Variants in TTN observed in about 807,000 individuals in gnomAD.
TTN encodes connectin.
TTN carries 1,525 observed loss-of-function variants against 3,223.0 expected under a neutral mutation model. The observed-to-expected ratio is 0.47, with a 90% CI of 0.45 to 0.49. The LOEUF is 0.49. Ranked by LOEUF, TTN falls within the 20% of genes least tolerant of loss-of-function variation. The pLI, the probability that TTN is intolerant of heterozygous loss-of-function variation, is 0.00. For synonymous variants in TTN, 14,094 were observed against 15,161.0 expected, an observed-to-expected ratio of 0.93 and a Z score of 5.17; for missense variants, 40,786 against 43,424.0, an observed-to-expected ratio of 0.94 and a Z score of 5.40.
rs775739693 is a variant in TTN at position 178,753,079 on chromosome 2, T to C, written c.11311+45A>G. The C allele has an allele frequency of 6.5e-7, 1 of 1,532,402 alleles. No individual in the cohort carries two copies. The highest frequency in any genetic ancestry group is 1.7e-5 in the Admixed American group (1 of 58,730). The allele number at this position is 1,532,402 out of a possible 1,614,324, so 94.9% of individuals were successfully genotyped here. ...GAAGGCAACTCAAGGATCCTATTAA[T>C]CCTTTAGAATTTCTACTTAAATCTC... On this transcript the variant is annotated intron_variant, in intron 47 of 362. Coordinates refer to ENST00000589042, the MANE Select transcript of TTN (RefSeq NM_001267550.2).
At chr2:178,749,755 T>C (rs769707777) in intron 47 of TTN, 2 of 1,612,948 alleles carry the variant, frequency 1.2e-6, no homozygotes, top group South Asian at 1.1e-5. Flanking sequence ...TAATATATAA[T>C]TGGTGGCTAC....
chr2:178,647,061 T>TATATATATA lies in TTN; in HGVS notation c.40222+2_40222+3insTATATATAT. 9.1e-7 allele frequency: 1 copy of TATATATATA among 1,101,820 alleles called. No individual in the cohort carries two copies. Among genetic ancestry groups the TATATATATA allele is most frequent in the Non-Finnish European group, 1.2e-6 (1 of 827,876 alleles). 68.3% of individuals were successfully genotyped at this position (1,101,820 alleles called of 1,614,324 possible). A position where few individuals can be genotyped will look rare whatever the true frequency, so the allele number is the denominator to read the frequency against. ...AAATGTATATATATATATATATATA[T>TATATATATA]ACCTTCAACAGGGGGAGTCTCTTTT... On this transcript the variant is annotated splice_region_variant and intron_variant, in intron 215 of 362. Transcript: ENST00000589042.
Position 178,611,649 on chromosome 2 carries a change from A to G in TTN, c.50580T>C (p.His16860=). Residue 16860 remains histidine (H), a synonymous_variant, in exon 269 of 363, where the codon CAT becomes CAC. Transcript: ENST00000589042. The part of the protein sequence containing the change: ...TSPPSPPLDL[H]VTDAGRKHIA... ...TGTGTTTTCTCCCAGCATCAGTCAC[A>G]TGTAGGTCAAGGGGTGGTGAGGGAG... 3.1e-6 allele frequency: 5 copies of G among 1,612,998 alleles called. No homozygotes were observed. Among genetic ancestry groups the G allele is most frequent in the Non-Finnish European group, 3.4e-6 (4 of 1,179,338 alleles).
rs1234924846 is a variant in TTN, at chr2:178,528,493, T to A, written c.107223+35A>T. 3.1e-6 allele frequency: 5 copies of A among 1,594,682 alleles called. No homozygotes were observed. In the South Asian group the frequency reaches 4.5e-5, roughly 14 times the overall value. On this transcript the variant is annotated intron_variant, in intron 360 of 362. Coordinates refer to ENST00000589042, the MANE Select transcript of TTN (RefSeq NM_001267550.2). ...AGATGTGGAAGACATGGTATTTTAG[T>A]TTTTCTTCAATAATATATTCATAAT...
In TTN at chr2:178,591,088, C is replaced by T. The variant is rs1186567480; in HGVS notation, c.60637G>A (p.Asp20213Asn). 1 of 1,613,302 alleles carries T rather than the reference C, an allele frequency of 6.2e-7. No homozygotes were observed. The highest frequency in any genetic ancestry group is 1.7e-5 in the Admixed American group (1 of 59,954). ...ACACCCCACGTGTCTTTCCTTGTAT[C>T]TTGTTTCTCAACAATATAATTTATC... ...PVINYIVEKQ[D>N]TRKDTWGVVS... The change falls in exon 304 of 363, where the codon GAT (aspartate) becomes AAT (asparagine). Residue 20213 changes from aspartate to asparagine, a missense_variant. Asp to Asn is a conservative substitution (Grantham distance 23). Coordinates refer to ENST00000589042, the MANE Select transcript of TTN (RefSeq NM_001267550.2).
Position 178,551,710 on chromosome 2 carries a change from A to C in TTN, c.91190T>G (p.Phe30397Cys). The C allele has an allele frequency of 6.2e-7, 1 of 1,613,508 alleles. No homozygotes were observed. The highest frequency in any genetic ancestry group is 2.2e-5 in the East Asian group (1 of 44,876). ...AGCAGAATTTTCAGCATATACACGG[A>C]ATTGGTAATCCAGACCTTCTACCAG... is the stretch of plus-strand genomic sequence containing the variant. ...TGLVEGLDYQ[F>C]RVYAENSAGL... is the part of the protein sequence containing the mutation. The change falls in exon 335 of 363, where the codon TTC becomes TGC. Residue 30397 changes from phenylalanine (F) to cysteine (C), a missense_variant. Coordinates refer to ENST00000589042, the MANE Select transcript of TTN (RefSeq NM_001267550.2).
At chr2:178,629,249 TG>T (rs1353168688) in intron 240 of TTN, 51 bp downstream of exon 240, 6 of 1,596,190 alleles carry the variant, frequency 3.8e-6, no homozygotes, top group Middle Eastern at 1.7e-4. Flanking sequence ...CAAGTGAAGG[TG>T]GAAGAACTCC....
intron 112 of TTN, among the ~76,000 whole-genome samples, chr2:178,697,830 TC>T (rs2073993936): frequency 6.6e-6 from 1 of 152,214 alleles, no homozygotes; most frequent in African/African-American, 2.4e-5. Context: ...GATATTTAGA[TC>T]ACCTAAATCA....
chr2:178,626,572 C>T (rs1001035693), intron 240 of TTN, among the ~76,000 whole-genome samples: 20 of 151,900 alleles, frequency 1.3e-4, no homozygotes, highest in Admixed American at 6.6e-5. Context: ...AAGGTTTCAT[C>T]TAAAAGTGTT....
At chr2:178,685,083 C>T (rs1237824883) in intron 129 of TTN, 94 bp from the exon 130 acceptor site, 5 of 1,215,700 alleles carry the variant, frequency 4.1e-6, no homozygotes, top group African/African-American at 1.5e-5. Context: ...AAAGATTGCA[C>T]ATATATACAA....
At position 178,767,774 on chromosome 2, in the gene TTN, A is replaced by C; in HGVS notation, c.9456T>G (p.Ile3152Met). The change falls in exon 40 of 363, where the codon ATT (isoleucine) becomes ATG (methionine). Residue 3152 changes from isoleucine to methionine, a missense_variant. Transcript: ENST00000589042. ...TAGACAATACCTGAACCTCCTTTTT[A>C]ATACTTCGGATGCGAACATCTCTGC... ...VEGRDVRIRS[I>M]KKEVQVIEKQ... is the part of the protein sequence containing the mutation. The C allele has an allele frequency of 6.2e-7, 1 of 1,614,140 alleles. No homozygotes were observed. The highest frequency in any genetic ancestry group is 8.5e-7 in the Non-Finnish European group (1 of 1,179,998).
At chr2:178,678,067 G>T in intron 145 of TTN, 58 bp downstream of exon 145, 2 of 1,564,134 alleles carry the variant, frequency 1.3e-6, no homozygotes, top group Admixed American at 2.0e-5. Context: ...AATTAGTAAG[G>T]CTGTATAACA....
chr2:178,554,193 G>A lies in TTN; in HGVS notation c.88918C>T (p.Pro29640Ser), dbSNP rs775145047. The A allele has an allele frequency of 7.5e-6, 12 of 1,604,732 alleles. No individual in the cohort carries two copies. The highest frequency in any genetic ancestry group is 9.4e-6 in the Non-Finnish European group (11 of 1,176,288). Reference protein sequence around the residue: ...AFVTPGPPGIPEVTKITKNSM... With the variant: ...AFVTPGPPGISEVTKITKNSM... ...TTCTTGGTAATCTTTGTCACTTCTG[G>A]TATGCCTGGTGGCCCAGGTGTAACT... The change falls in exon 333 of 363, where the codon CCA becomes TCA. Residue 29640 changes from proline to serine, a missense_variant. Transcript: ENST00000589042.
chr2:178,599,427 A>C lies in TTN; in HGVS notation c.56366T>G (p.Val18789Gly). The C allele has an allele frequency of 6.5e-7, 1 of 1,546,628 alleles. No individual in the cohort carries two copies. The highest frequency in any genetic ancestry group is 8.7e-7 in the Non-Finnish European group (1 of 1,149,380). Reference protein sequence around the residue: ...LNVLGRPGPPVGPIKFESVSA... With the variant: ...LNVLGRPGPPGGPIKFESVSA... ...AACAGATTCAAATTTTATGGGTCCC[A>C]CTGGAGGGCCAGGACGACCTAAAAT... Residue 18789 changes from valine (V) to glycine (G), a missense_variant, in exon 290 of 363, where the codon GTG becomes GGG. Transcript: ENST00000589042.
rs1697802567 is a variant in TTN, at chr2:178,547,720, T to G, written c.93906A>C (p.Thr31302=). The G allele has an allele frequency of 3.1e-6, 5 of 1,613,772 alleles. No individual in the cohort carries two copies. The highest frequency in any genetic ancestry group is 1.1e-5 in the South Asian group (1 of 91,090). The change falls in exon 339 of 363, where the codon ACA becomes ACC. Residue 31302 remains threonine, a synonymous_variant. Transcript: ENST00000589042. ...NTAGVKTFSV[T]VVVIGRPGPV... ...GACCTGGCCTTCCAATGACCACAAC[T>G]GTGACGCTAAATGTTTTAACACCAG...
At chr2:178,771,619 AG>A in intron 33 of TTN, 148 bp from the exon 34 acceptor site, 1 of 1,176,982 alleles carries the variant, frequency 8.5e-7, no homozygotes, top group Non-Finnish European at 1.2e-6. Context: ...CATATTGAGA[AG>A]GTACCAAAGA....
In TTN at chr2:178,732,546, A is replaced by G. The variant is rs201625116; in HGVS notation, c.16515T>C (p.Ser5505=). ...SCYITKEALE[S]SLELYLVKTS... Reference sequence around the variant, plus strand: ...TTTTTACTAAATAGAGTTCCAGGGAACTCTCTAAAGCTTCTTTGGTAATAT... The same window carrying G: ...TTTTTACTAAATAGAGTTCCAGGGAGCTCTCTAAAGCTTCTTTGGTAATAT... Residue 5505 remains serine (S), a synonymous_variant, in exon 56 of 363, where the codon AGT becomes AGC. Transcript: ENST00000589042. The G allele has an allele frequency of 1.8e-4, 297 of 1,613,486 alleles. No homozygotes were observed. The highest frequency in any genetic ancestry group is 6.6e-4 in the Middle Eastern group (4 of 6,058).
At position 178,776,003 on chromosome 2, in the gene TTN, G is replaced by C; in HGVS notation, c.5861C>G (p.Pro1954Arg). ...EPRPEFHVHE[P>R]GKLQFEVQKV... ...TTGTACTTCAAACTGAAGCTTTCCT[G>C]GTTCATGTACGTGAAACTCAGGCCT... The change falls in exon 28 of 363, where the codon CCA becomes CGA. Residue 1954 changes from proline (P) to arginine (R), a missense_variant. Physicochemically the swap from Pro to Arg is moderately radical, Grantham distance 103. Coordinates refer to ENST00000589042, the MANE Select transcript of TTN (RefSeq NM_001267550.2). 2 of 1,614,086 alleles carry C rather than the reference G, an allele frequency of 1.2e-6. No homozygotes were observed. The highest frequency in any genetic ancestry group is 1.3e-5 in the African/African-American group (1 of 75,026).
In TTN at chr2:178,775,672, A is replaced by G. The variant is rs759437501; in HGVS notation, c.6192T>C (p.Phe2064=). ...AEEGKITIPT[F]KPDKIELSPS... ...GACTTAGTTCAATCTTGTCAGGTTT[A>G]AAAGTTGGAATCGTGATTTTGCCTT... Residue 2064 remains phenylalanine, a synonymous_variant, in exon 28 of 363, where the codon TTT becomes TTC. Transcript: ENST00000589042. The G allele has an allele frequency of 3.1e-6, 5 of 1,614,102 alleles. No homozygotes were observed. Among genetic ancestry groups the G allele is most frequent in the Non-Finnish European group, 3.4e-6 (4 of 1,179,996 alleles).
Sources: allele counts gnomAD v4.1 joint callset (sites outside exome capture counted in the v4.1 genomes callset), GRCh38; gene constraint gnomAD v4.1.1; transcripts MANE v1.5; gene names NCBI Gene and HGNC (gene_info 2026-07-23, HGNC 2026-07-21).